Variants in VWF observed in about 807,000 individuals in gnomAD.
VWF encodes von Willebrand factor.
A neutral mutation model predicts 308.6 loss-of-function variants in VWF; 176 were observed. The observed-to-expected ratio is 0.57, with a 90% CI of 0.50 to 0.65. VWF has a LOEUF of 0.65. Ranked by LOEUF, VWF falls within the 30% of genes least tolerant of loss-of-function variation. VWF has a pLI of 0.00. For synonymous variants in VWF, 1,385 were observed against 1,443.4 expected (o/e 0.96, Z 0.92); for missense variants, 3,146 against 3,648.2 (o/e 0.86, Z 3.55).
At chr12:5,972,322 T>C (rs1416751516) in intron 43 of VWF, among the ~76,000 whole-genome samples, 2 of 152,250 alleles carry the variant, frequency 1.3e-5, no homozygotes, top group Non-Finnish European at 2.9e-5. Context: ...TCAGCCCATC[T>C]TGCCTCTAGA....
At chr12:6,081,581 A>G (rs1944910702) in intron 6 of VWF, among the ~76,000 whole-genome samples, 1 of 152,010 alleles carries the variant, frequency 6.6e-6, no homozygotes, top group Non-Finnish European at 1.5e-5. Flanking sequence ...CTCGTGATCC[A>G]CCCGCCTTTG....
Position 6,044,308 on chromosome 12 carries a change from G to A in VWF, c.2425C>T (p.Leu809Phe). 3 of 1,614,164 alleles carry A rather than the reference G, an allele frequency of 1.9e-6. No homozygotes were observed. Among genetic ancestry groups the A allele is most frequent in the Non-Finnish European group, 2.5e-6 (3 of 1,180,018 alleles). The change falls in exon 18 of 52, where the codon CTC (leucine) becomes TTC (phenylalanine). Residue 809 changes from leucine (L) to phenylalanine (F), a missense_variant. By Grantham distance (22) the Leu-to-Phe change is conservative. Around this residue, in one of 3 missense-constraint regions of VWF, gnomAD observed 1,304 missense variants for 1,353.0 expected, o/e 0.96. Transcript: ENST00000261405. ...TGACTCACCATGCCCGGGGGGCAGAGGCAGCCAGAGACACAGCCCATGCTC... is the reference window on the plus strand; with the variant it reads ...TGACTCACCATGCCCGGGGGGCAGAAGCAGCCAGAGACACAGCCCATGCTC... The part of the protein sequence containing the change: ...CMSMGCVSGC[L>F]CPPGMVRHEN...
chr12:5,964,274 G>GCATACATACATGCATACATACATA lies in VWF; in HGVS notation c.7887+3188_7887+3211dup, dbSNP rs1943369840. ...TGCATACATACATACATACATACAT[G>GCATACATACATGCATACATACATA]CATACATACATGCATACATACATAC... On this transcript the variant is annotated intron_variant, in intron 47 of 51. Coordinates refer to ENST00000261405, the MANE Select transcript of VWF (RefSeq NM_000552.5). Among the ~76,000 whole-genome samples, 6 of 134,698 alleles carry GCATACATACATGCATACATACATA rather than the reference G, an allele frequency of 4.5e-5. No individual in the cohort carries two copies. In the South Asian group the frequency reaches 9.4e-4, roughly 21 times the overall value. The allele number at this position is 134,698 out of a possible 152,430, so 88.4% of individuals were successfully genotyped here.
rs748190942 is a variant in VWF, at chr12:6,110,557, C to T, written c.349G>A (p.Gly117Arg). 106 of 1,614,168 alleles carry T rather than the reference C, an allele frequency of 6.6e-5. No individual in the cohort carries two copies. The highest frequency in any genetic ancestry group is 1.1e-4 in the African/African-American group (8 of 75,020). The change falls in exon 5 of 52, where the codon GGG (glycine) becomes AGG (arginine). Residue 117 changes from glycine (G) to arginine (R), a missense_variant. By Grantham distance (125) the Gly-to-Arg change is moderately radical. This residue lies in a region of VWF where 1,304 missense variants were observed against 1,353.0 expected (regional missense o/e 0.96). Coordinates refer to ENST00000261405, the MANE Select transcript of VWF (RefSeq NM_000552.5). ...CCAGCCTCAGTTTCTAGATACAGCCCTTTGGAGGCATAGGGCATGGAGACT... is the reference window on the plus strand; with the variant it reads ...CCAGCCTCAGTTTCTAGATACAGCCTTTTGGAGGCATAGGGCATGGAGACT... ...QRVSMPYASKGLYLETEAGYY... is the reference protein window; with the variant it reads ...QRVSMPYASKRLYLETEAGYY...
intron 28 of VWF, 85 bp from the exon 29 acceptor site, chr12:6,016,955 C>A (rs1375609635): frequency 9.0e-6 from 13 of 1,450,484 alleles, no homozygotes; most frequent in Non-Finnish European, 1.1e-5. Flanking sequence ...CCAATAGGAT[C>A]TGCAGGGCGT....
intron 5 of VWF, among the ~76,000 whole-genome samples, chr12:6,099,234 C>G (rs971625565): frequency 2.2e-4 from 33 of 150,102 alleles, no homozygotes; most frequent in Non-Finnish European, 4.3e-4. Context: ...GCAGAAGAAC[C>G]ACTTGAACTG....
intron 47 of VWF, among the ~76,000 whole-genome samples, chr12:5,964,043 TA>T (rs770305950): frequency 5.9e-5 from 9 of 151,898 alleles, no homozygotes; most frequent in East Asian, 3.9e-4. Context: ...CCGTCTCTAC[TA>T]AAAATACAAA....
intron 6 of VWF, among the ~76,000 whole-genome samples, chr12:6,081,022 C>T (rs1424318103): frequency 6.6e-6 from 1 of 152,196 alleles, no homozygotes. Context: ...ACCATCCACT[C>T]AGTCACGGGG....
Position 5,990,868 on chromosome 12 carries a change from T to TAAAAAAAAAAA in VWF, c.6798+940_6798+950dup, listed in dbSNP as rs755717764. ...ATACACTCAATAACTCCCATAGAGCTAAAAAAAAAAAAAAAAAAAAAAAAA... is the reference window on the plus strand; with the variant it reads ...ATACACTCAATAACTCCCATAGAGCTAAAAAAAAAAAAAAAAAAAAAAAAAAAAAAAAAAAA... On this transcript the variant is annotated intron_variant, in intron 38 of 51. Transcript: ENST00000261405. Among the ~76,000 whole-genome samples, 14 of 31,450 alleles carry TAAAAAAAAAAA rather than the reference T, an allele frequency of 4.5e-4. 1 individual carries two copies. Among genetic ancestry groups the TAAAAAAAAAAA allele is most frequent in the Non-Finnish European group, 5.3e-4 (10 of 18,992 alleles). 20.6% of individuals were successfully genotyped at this position (31,450 alleles called of 152,430 possible). A position where few individuals can be genotyped will look rare whatever the true frequency, so the allele number is the denominator to read the frequency against.
intron 16 of VWF, among the ~76,000 whole-genome samples, chr12:6,047,672 T>G (rs150925401): frequency 1.3e-3 from 195 of 152,380 alleles, no homozygotes; most frequent in Non-Finnish European, 1.4e-3. Context: ...GTGGTTGCTT[T>G]GTATGTATGT....
intron 38 of VWF, among the ~76,000 whole-genome samples, chr12:5,988,215 T>G (rs1396270738): frequency 6.6e-6 from 1 of 152,102 alleles, no homozygotes; most frequent in Non-Finnish European, 1.5e-5. Flanking sequence ...GTGAGGCAGG[T>G]GGCTGAAGAC....
chr12:6,061,442 C>G (rs1162864820), intron 13 of VWF, among the ~76,000 whole-genome samples: 1 of 143,248 alleles, frequency 7.0e-6, no homozygotes, highest in Non-Finnish European at 1.5e-5. Flanking sequence ...GCTTTATGGT[C>G]TGTGGTTGCA....
At chr12:6,052,884 T>G in intron 15 of VWF, 101 bp from the exon 16 acceptor site, 1 of 1,453,954 alleles carries the variant, frequency 6.9e-7, no homozygotes. Flanking sequence ...CCCCAATTAT[T>G]TAATTAAAAT....
intron 40 of VWF, among the ~76,000 whole-genome samples, chr12:5,984,041 T>C (rs992862548): frequency 4.7e-4 from 70 of 147,678 alleles, no homozygotes; most frequent in South Asian, 2.4e-3. Context: ...GACAGACAGA[T>C]AGATCAATCC....
chr12:6,078,933 G>A (rs781097293), intron 6 of VWF, among the ~76,000 whole-genome samples: 1 of 152,202 alleles, frequency 6.6e-6, no homozygotes, highest in Non-Finnish European at 1.5e-5. Context: ...GCCTTAGCAA[G>A]AAGGGTGTTT....
At chr12:6,013,418 C>A in intron 32 of VWF, 63 bp downstream of exon 32, 1 of 1,604,978 alleles carries the variant, frequency 6.2e-7, no homozygotes, top group Non-Finnish European at 8.5e-7. Flanking sequence ...ATTTTTGTTT[C>A]TTTGGCGGGT....
rs1267103188 is a variant in VWF, at chr12:5,980,128, AAGGAAGG to A, written c.7287+1651_7287+1657del. On this transcript the variant is annotated intron_variant, in intron 42 of 51. Transcript: ENST00000261405. ...GAAGGAAGGAAGGAAGGAAGGAAGG[AAGGAAGG>A]AAGAAAGGAGTGAGGGAGGGAGTGA... 0.014 allele frequency among the ~76,000 whole-genome samples: 1,682 copies of A among 117,350 alleles called. 106 individuals are homozygous for A. In the East Asian group the frequency reaches 0.19, roughly 13 times the overall value. 77.0% of individuals were successfully genotyped at this position (117,350 alleles called of 152,430 possible). A position where few individuals can be genotyped will look rare whatever the true frequency, so the allele number is the denominator to read the frequency against.
At chr12:6,092,624 T>TGAGAGTGAGAGAGAGAGAGAGAGAGA (rs1180180618) in intron 6 of VWF, among the ~76,000 whole-genome samples, 1 of 87,014 alleles carries the variant, frequency 1.1e-5, no homozygotes, top group African/African-American at 6.4e-5. Flanking sequence ...TGAGAGTGTG[T>TGAGAGTGAGAGAGAGAGAGAGAGAGA]GTGTGTGTGT....
chr12:6,030,845 T>A (rs915134870), intron 21 of VWF, among the ~76,000 whole-genome samples: 3 of 152,070 alleles, frequency 2.0e-5, no homozygotes, highest in Non-Finnish European at 4.4e-5. Flanking sequence ...CTGGCCAACA[T>A]GGCGAAATCC....
Sources: gnomAD v4.1 joint callset for allele counts (sites outside exome capture counted in the v4.1 genomes callset) on GRCh38, gnomAD v4.1.1 for gene constraint, gnomAD v4.1.1 regional missense constraint, MANE v1.5 for transcripts, NCBI Gene and HGNC (gene_info 2026-07-23, HGNC 2026-07-21) for gene names.